ATF7: variants seen among roughly 807,000 people sequenced by gnomAD.
The protein encoded by ATF7 is activating transcription factor 7, also known as cyclic AMP-dependent transcription factor ATF-7.
In ATF7, 10 loss-of-function variants were observed where a neutral mutation model predicts 50.4. The observed-to-expected ratio is 0.20, with a 90% CI of 0.12 to 0.34. The LOEUF (loss-of-function observed/expected upper bound fraction) is 0.34. Ranked by LOEUF, ATF7 falls within the 10% of genes least tolerant of loss-of-function variation. ATF7 has a pLI of 1.00. For missense variants in ATF7, 465 were observed against 613.9 expected (o/e 0.76, Z 2.56); for synonymous variants, 201 against 226.4 (o/e 0.89, Z 1.01).
intron 1 of ATF7, among the ~76,000 whole-genome samples, chr12:53,612,184 T>C (rs1023425928): frequency 3.3e-5 from 5 of 151,496 alleles, no homozygotes; most frequent in Admixed American, 6.6e-5. Context: ...CCATAGTGGC[T>C]AGGCTGGTCT....
intron 1 of ATF7, 70 bp from the exon 2 acceptor site, chr12:53,601,091 CA>C: frequency 9.2e-7 from 1 of 1,091,906 alleles, no homozygotes; most frequent in Non-Finnish European, 1.3e-6. Flanking sequence ...AAAAGTGCTT[CA>C]AAAATATCAA....
intron 11 of ATF7, among the ~76,000 whole-genome samples, chr12:53,518,979 G>A (rs1246239329): frequency 2.6e-5 from 4 of 151,288 alleles, no homozygotes; most frequent in East Asian, 1.9e-4. Flanking sequence ...GTGTGAACCC[G>A]GGAGGCAGAG....
chr12:53,604,582 T>C (rs1280573107), intron 1 of ATF7, among the ~76,000 whole-genome samples: 2 of 152,288 alleles, frequency 1.3e-5, no homozygotes, highest in East Asian at 3.9e-4. Flanking sequence ...AGAATGCAGA[T>C]ATGGTGTGAT....
downstream of ATF7, among the ~76,000 whole-genome samples, chr12:53,509,555 G>T (rs1443089631): frequency 6.7e-6 from 1 of 150,042 alleles, no homozygotes; most frequent in Non-Finnish European, 1.5e-5. Flanking sequence ...CCAGGCTGGA[G>T]TGCAGTGGTG....
intron 1 of ATF7, among the ~76,000 whole-genome samples, chr12:53,623,178 TGTGAA>T (rs1170968850): frequency 1.3e-5 from 2 of 151,642 alleles, no homozygotes; most frequent in Non-Finnish European, 2.9e-5. Context: ...ACAGGGTATC[TGTGAA>T]GTGGAGACTT....
At position 53,584,229 on chromosome 12, in the gene ATF7, G is replaced by A. The variant is rs370953207; in HGVS notation, c.48+16724C>T. Among the ~76,000 whole-genome samples, 44 of 152,256 alleles carry A rather than the reference G, an allele frequency of 2.9e-4. No homozygotes were observed. In the East Asian group the frequency reaches 3.9e-3, roughly 13 times the overall value. ...ACTCCTGACCTCAGGTGATCCACCCGCCTTGGCCTTCCAAAATGCAGGGAT... is the reference window on the plus strand; with the variant it reads ...ACTCCTGACCTCAGGTGATCCACCCACCTTGGCCTTCCAAAATGCAGGGAT... On this transcript the variant is annotated intron_variant, in intron 2 of 11. Transcript: ENST00000420353.
At chr12:53,550,849 T>C (rs1003937339) in intron 3 of ATF7, among the ~76,000 whole-genome samples, 20 of 152,194 alleles carry the variant, frequency 1.3e-4, no homozygotes, top group African/African-American at 4.6e-4. Flanking sequence ...CAAATAGTAA[T>C]AGGAGAACAT....
chr12:53,604,273 G>C (rs1943515187), intron 1 of ATF7, among the ~76,000 whole-genome samples: 2 of 152,064 alleles, frequency 1.3e-5, no homozygotes, highest in Non-Finnish European at 2.9e-5. Context: ...TTTTTTAAAT[G>C]ATTAAAAAAA....
At chr12:53,560,707 A>T (rs1196555678) in intron 2 of ATF7, among the ~76,000 whole-genome samples, 2 of 152,174 alleles carry the variant, frequency 1.3e-5, no homozygotes, top group Non-Finnish European at 2.9e-5. Flanking sequence ...TTAGAAGAGT[A>T]GACTGGGGTA....
Position 53,516,759 on chromosome 12 carries a change from G to A in ATF7, c.*378C>T, listed in dbSNP as rs572781745. The A allele has an allele frequency of 1.4e-5, 3 of 211,296 alleles. No individual in the cohort carries two copies. Among genetic ancestry groups the A allele is most frequent in the East Asian group, 2.1e-4 (2 of 9,606 alleles). 13.1% of individuals were successfully genotyped at this position (211,296 alleles called of 1,614,324 possible). ...TAAGGAACAAAAAGGTAACAGCCAC[G>A]GCTTAGTGGGAAGAGAGGGAACTGA... On this transcript the variant is annotated 3_prime_UTR_variant, in exon 12 of 12. Transcript: ENST00000420353.
At position 53,524,989 on chromosome 12, in the gene ATF7, T is replaced by C. The variant is rs1938359112; in HGVS notation, c.928-228A>G. 2.2e-6 allele frequency: 1 copy of C among 464,430 alleles called. No individual in the cohort carries two copies. The highest frequency in any genetic ancestry group is 3.8e-6 in the Non-Finnish European group (1 of 264,516). 28.8% of individuals were successfully genotyped at this position (464,430 alleles called of 1,614,324 possible). On this transcript the variant is annotated intron_variant, in intron 9 of 11. Coordinates refer to ENST00000420353, the MANE Select transcript of ATF7 (RefSeq NM_006856.3). This position sits in a 1 kb window ranked among gnomAD's most constrained non-coding sequence, Gnocchi z 4.6. The stretch of plus-strand genomic sequence containing the variant: ...GTCTCATACTTAGACAAACTACAGT[T>C]CATTTGGAAACTCTGATTATTTATA...
chr12:53,521,014 C>T (rs1275851489), intron 11 of ATF7, among the ~76,000 whole-genome samples: 6 of 146,732 alleles, frequency 4.1e-5, no homozygotes, highest in South Asian at 4.3e-4. Flanking sequence ...TTTTTTGAGA[C>T]GGAATTTCCC....
Position 53,524,633 on chromosome 12 carries a change from C to T in ATF7, c.1056G>A (p.Lys352=). The T allele has an allele frequency of 2.5e-6, 4 of 1,613,936 alleles. No individual in the cohort carries two copies. The South Asian group carries it at 4.4e-5, about 18-fold the overall frequency. ...NRAAASRCRQ[K]RKLWVSSLEK... is the part of the protein sequence containing the mutation. ...CTAGGGAGGACACCCACAGCTTTCG[C>T]TTTTGGCGGCAGCGGGAGGCTGCAG... is the stretch of plus-strand genomic sequence containing the variant. The change falls in exon 10 of 12, where the codon AAG becomes AAA. Residue 352 remains lysine, a synonymous_variant. Transcript: ENST00000420353. This position sits in a 1 kb window ranked among gnomAD's most constrained non-coding sequence, Gnocchi z 4.6.
intron 1 of ATF7, among the ~76,000 whole-genome samples, chr12:53,606,392 G>A (rs1374049520): frequency 6.6e-6 from 1 of 151,966 alleles, no homozygotes; most frequent in Non-Finnish European, 1.5e-5. Flanking sequence ...GAGATTACAG[G>A]CATGTGCCAC....
At chr12:53,566,044 C>T (rs1311033724) in intron 2 of ATF7, among the ~76,000 whole-genome samples, 1 of 152,090 alleles carries the variant, frequency 6.6e-6, no homozygotes, top group Non-Finnish European at 1.5e-5. Context: ...CTTTATAAAA[C>T]CATCAGATCT....
At chr12:53,615,138 C>T (rs1203047226) in intron 1 of ATF7, among the ~76,000 whole-genome samples, 1 of 151,118 alleles carries the variant, frequency 6.6e-6, no homozygotes, top group South Asian at 2.1e-4. Flanking sequence ...AATCTCAACA[C>T]TTTGGAAGAC....
At chr12:53,576,494 GGATTTGGCAAAA>G (rs1942074177) in intron 2 of ATF7, among the ~76,000 whole-genome samples, 1 of 152,118 alleles carries the variant, frequency 6.6e-6, no homozygotes, top group Non-Finnish European at 1.5e-5. Flanking sequence ...CCTTATAAAA[GGATTTGGCAAAA>G]GATTTGGCAT....
intron 5 of ATF7, among the ~76,000 whole-genome samples, chr12:53,535,064 G>A (rs1188057621): frequency 6.6e-6 from 1 of 152,160 alleles, no homozygotes; most frequent in Non-Finnish European, 1.5e-5. Context: ...TGATGGTAAT[G>A]AGGCAACCCA....
intron 1 of ATF7, among the ~76,000 whole-genome samples, chr12:53,601,617 T>TCC (rs920167315): frequency 3.9e-5 from 6 of 152,058 alleles, no homozygotes; most frequent in African/African-American, 1.2e-4. Flanking sequence ...AGCCTCCTCC[T>TCC]CCCCCCACCA....
Sources: gnomAD v4.1 joint callset for allele counts (sites outside exome capture counted in the v4.1 genomes callset) on GRCh38, gnomAD v4.1.1 for gene constraint, Gnocchi (gnomAD v3.1) non-coding constraint, MANE v1.5 for transcripts, NCBI Gene and HGNC (gene_info 2026-07-23, HGNC 2026-07-21) for gene names.